The following GRID2 variants were observed in gnomAD, a reference collection of about 807,000 sequenced individuals.
The protein encoded by GRID2 is glutamate receptor ionotropic, delta-2.
Under a neutral mutation model 114.8 loss-of-function variants are expected in GRID2, and 33 were observed. That is an observed-to-expected ratio of 0.29 (90% confidence interval 0.22 to 0.38). GRID2 has a LOEUF of 0.38. Among genes scored for constraint, GRID2 ranks in the 10% least tolerant of loss-of-function variants. The probability of loss-of-function intolerance (pLI) is 1.00; values close to 1 mark genes in which losing one functional copy is unlikely to be tolerated. For missense variants in GRID2, 1,184 were observed against 1,257.7 expected, an observed-to-expected ratio of 0.94 and a Z score of 0.89; for synonymous variants, 505 against 449.9, an observed-to-expected ratio of 1.12 and a Z score of -1.55.
At chr4:93,782,283 A>G (rs1419982770) in intron 1 of GRID2, among the ~76,000 whole-genome samples, 6 of 152,136 alleles carry the variant, frequency 3.9e-5, no homozygotes, top group Non-Finnish European at 5.9e-5. Flanking sequence ...TCCAAAATAA[A>G]TGTTTCTAAA....
At chr4:93,595,313 T>C (rs1738963343) in intron 13 of GRID2, among the ~76,000 whole-genome samples, 1 of 152,228 alleles carries the variant, frequency 6.6e-6, no homozygotes, top group African/African-American at 2.4e-5. Context: ...TAACATTTCA[T>C]AATTGTGTGT....
intron 14 of GRID2, among the ~76,000 whole-genome samples, chr4:93,709,434 CACTGTGAA>C (rs1728294368): frequency 6.6e-6 from 1 of 152,040 alleles, no homozygotes; most frequent in South Asian, 2.1e-4. Context: ...GTAAGTTTTC[CACTGTGAA>C]ACCAGATGTA....
At chr4:93,671,364 A>G (rs1244518074) in intron 14 of GRID2, among the ~76,000 whole-genome samples, 1 of 152,178 alleles carries the variant, frequency 6.6e-6, no homozygotes, top group African/African-American at 2.4e-5. Context: ...TGAGCATTCA[A>G]AAGTCTTGGG....
At chr4:93,419,848 A>G (rs1254992414) in intron 9 of GRID2, among the ~76,000 whole-genome samples, 3 of 152,160 alleles carry the variant, frequency 2.0e-5, no homozygotes, top group Non-Finnish European at 4.4e-5. Context: ...AGTACACTAA[A>G]TAATTGGTCT....
At chr4:92,643,204 C>T (rs1010753329) in intron 2 of GRID2, among the ~76,000 whole-genome samples, 1 of 151,538 alleles carries the variant, frequency 6.6e-6, no homozygotes, top group Non-Finnish European at 1.5e-5. Context: ...GTGGCCATTT[C>T]AATGATATTG....
intron 13 of GRID2, among the ~76,000 whole-genome samples, chr4:93,580,600 G>A (rs1189526577): frequency 1.3e-5 from 2 of 151,954 alleles, no homozygotes; most frequent in Non-Finnish European, 2.9e-5. Flanking sequence ...TTTTTGTTTC[G>A]TATGTCATGA....
At chr4:92,776,446 A>C (rs1738798082) in intron 2 of GRID2, among the ~76,000 whole-genome samples, 1 of 152,126 alleles carries the variant, frequency 6.6e-6, no homozygotes, top group African/African-American at 2.4e-5. Context: ...CCACACATAC[A>C]GCTACCCACA....
chr4:93,244,176 A>G (rs1053720578), intron 8 of GRID2, among the ~76,000 whole-genome samples: 1 of 152,054 alleles, frequency 6.6e-6, no homozygotes, highest in Non-Finnish European at 1.5e-5. Flanking sequence ...CAGTATTAAA[A>G]TGTAATACTC....
At chr4:93,780,291 C>T (rs1309290845) in intron 1 of GRID2, among the ~76,000 whole-genome samples, 1 of 152,166 alleles carries the variant, frequency 6.6e-6, no homozygotes, top group Non-Finnish European at 1.5e-5. Context: ...GGGGAAAACG[C>T]ATTCCAGTCT....
intron 8 of GRID2, among the ~76,000 whole-genome samples, chr4:93,284,833 C>T (rs17020320): frequency 0.05 from 7,641 of 151,926 alleles, 647 homozygotes; most frequent in African/African-American, 0.17. Context: ...TTTAGCTTTT[C>T]AGCGAGACTT....
chr4:93,059,363 T>C (rs775228822), intron 2 of GRID2, among the ~76,000 whole-genome samples: 1 of 152,144 alleles, frequency 6.6e-6, no homozygotes, highest in Non-Finnish European at 1.5e-5. Flanking sequence ...TCAACATGAC[T>C]GACATTTTGG....
chr4:93,371,100 T>C (rs1247856089), intron 8 of GRID2, among the ~76,000 whole-genome samples: 1 of 152,198 alleles, frequency 6.6e-6, no homozygotes, highest in Admixed American at 6.6e-5. Context: ...CTGTAGGCAC[T>C]GCACAAAGGC....
intron 2 of GRID2, among the ~76,000 whole-genome samples, chr4:92,717,927 CAATG>C (rs1247170986): frequency 2.0e-5 from 3 of 151,906 alleles, no homozygotes; most frequent in African/African-American, 4.8e-5. Context: ...ATATTAAATA[CAATG>C]AATGATTGTT....
At chr4:93,430,357 T>A (rs1008028522) in intron 10 of GRID2, among the ~76,000 whole-genome samples, 2 of 152,100 alleles carry the variant, frequency 1.3e-5, no homozygotes, top group African/African-American at 4.8e-5. Flanking sequence ...ATTTTTGTAT[T>A]TTTAGTAGAG....
At chr4:92,777,720 G>C (rs1056162672) in intron 2 of GRID2, among the ~76,000 whole-genome samples, 7 of 146,444 alleles carry the variant, frequency 4.8e-5, no homozygotes, top group Non-Finnish European at 7.4e-5. Context: ...GAGATACTAG[G>C]AATGCATGTG....
At chr4:93,418,672 ACAC>A (rs1767961296) in intron 9 of GRID2, among the ~76,000 whole-genome samples, 1 of 152,060 alleles carries the variant, frequency 6.6e-6, no homozygotes, top group African/African-American at 2.4e-5. Flanking sequence ...TTAATGGCAA[ACAC>A]CACAATTACT....
chr4:92,507,896 T>G (rs1359498388), intron 1 of GRID2, among the ~76,000 whole-genome samples: 1 of 152,002 alleles, frequency 6.6e-6, no homozygotes, highest in Non-Finnish European at 1.5e-5. Context: ...TGGTCCATGC[T>G]TTGGGCTGTG....
chr4:92,705,377 G>A (rs1225759486), intron 2 of GRID2, among the ~76,000 whole-genome samples: 4 of 151,996 alleles, frequency 2.6e-5, no homozygotes, highest in Non-Finnish European at 5.9e-5. Flanking sequence ...CATACTACAC[G>A]CCAGGCATTG....
chr4:92,457,437 AGAAT>A (rs748642671), intron 1 of GRID2, among the ~76,000 whole-genome samples: 1 of 152,186 alleles, frequency 6.6e-6, no homozygotes, highest in Non-Finnish European at 1.5e-5. Context: ...AAATATGTAT[AGAAT>A]GAATGAATAA....
Sources: gnomAD v4.1 joint callset for allele counts (sites outside exome capture counted in the v4.1 genomes callset) on GRCh38, gnomAD v4.1.1 for gene constraint, MANE v1.5 for transcripts, NCBI Gene and HGNC (gene_info 2026-07-23, HGNC 2026-07-21) for gene names.